Variants in GRM3 observed in about 807,000 individuals in gnomAD.
The protein encoded by GRM3 is glutamate metabotropic receptor 3, also known as metabotropic glutamate receptor 3.
In GRM3, 26 loss-of-function variants were observed where a neutral mutation model predicts 70.5. The ratio of observed to expected loss-of-function variants is 0.37; its 90% CI spans 0.27 to 0.51. The LOEUF (loss-of-function observed/expected upper bound fraction) is 0.51, where lower values mean the gene tolerates loss of function less well. Ranked by LOEUF, GRM3 falls within the 20% of genes least tolerant of loss-of-function variation. The pLI is 0.93. For synonymous variants in GRM3, 443 were observed against 434.9 expected, an observed-to-expected ratio of 1.02 and a Z score of -0.23; for missense variants, 859 against 1,123.8, an observed-to-expected ratio of 0.76 and a Z score of 3.37.
At chr7:86,649,106 A>AT (rs1793547312) in intron 1 of GRM3, among the ~76,000 whole-genome samples, 1 of 152,160 alleles carries the variant, frequency 6.6e-6, no homozygotes. Context: ...TCCAAAACTT[A>AT]TTTTTAAACA....
At chr7:86,798,721 G>A (rs113786896) in intron 3 of GRM3, among the ~76,000 whole-genome samples, 2 of 152,076 alleles carry the variant, frequency 1.3e-5, no homozygotes, top group African/African-American at 4.8e-5. Flanking sequence ...ATGAGATTTG[G>A]GAGGGGCCAG....
intron 1 of GRM3, among the ~76,000 whole-genome samples, chr7:86,677,793 G>C (rs1794343534): frequency 6.6e-6 from 1 of 151,828 alleles, no homozygotes; most frequent in African/African-American, 2.4e-5. Flanking sequence ...GGCCCGCAAA[G>C]AATGGGAAAC....
chr7:86,733,968 C>T (rs1271639711), intron 1 of GRM3, among the ~76,000 whole-genome samples: 3 of 152,372 alleles, frequency 2.0e-5, no homozygotes, highest in Admixed American at 6.5e-5. Flanking sequence ...ACTCCAAACT[C>T]GCTGAGTCAT....
chr7:86,735,242 G>A (rs1419989387), intron 1 of GRM3, among the ~76,000 whole-genome samples: 1 of 152,008 alleles, frequency 6.6e-6, no homozygotes, highest in Non-Finnish European at 1.5e-5. Flanking sequence ...ATTAACAGCA[G>A]ATATACCTGC....
intron 1 of GRM3, among the ~76,000 whole-genome samples, chr7:86,716,958 T>C (rs1795332150): frequency 6.6e-6 from 1 of 151,952 alleles, no homozygotes; most frequent in South Asian, 2.1e-4. Flanking sequence ...TTGGACTACC[T>C]GGGTTCAAAC....
At chr7:86,752,704 A>G (rs1358796297) in intron 1 of GRM3, among the ~76,000 whole-genome samples, 2 of 152,102 alleles carry the variant, frequency 1.3e-5, no homozygotes. Context: ...CAAACCTCCT[A>G]TAACTAAGGC....
chr7:86,830,848 G>A (rs909745949), intron 3 of GRM3, among the ~76,000 whole-genome samples: 1 of 152,250 alleles, frequency 6.6e-6, no homozygotes, highest in East Asian at 1.9e-4. Flanking sequence ...TCATTAGGGT[G>A]GGCCCCAGTC....
intron 2 of GRM3, among the ~76,000 whole-genome samples, chr7:86,768,670 G>T (rs1796664382): frequency 6.6e-6 from 1 of 152,118 alleles, no homozygotes; most frequent in Non-Finnish European, 1.5e-5. Flanking sequence ...TCAGAAAACT[G>T]TGGGAGACGT....
intron 1 of GRM3, among the ~76,000 whole-genome samples, chr7:86,764,663 A>C (rs1351822786): frequency 2.6e-5 from 4 of 152,142 alleles, no homozygotes; most frequent in African/African-American, 7.2e-5. Flanking sequence ...AAACAAAGTA[A>C]ATGACTCAGT....
intron 1 of GRM3, among the ~76,000 whole-genome samples, chr7:86,712,786 A>G (rs1795228145): frequency 6.6e-6 from 1 of 152,046 alleles, no homozygotes; most frequent in Admixed American, 6.6e-5. Context: ...CTGCAGTTCT[A>G]TCCATGTTGC....
chr7:86,753,455 G>A lies in GRM3; in HGVS notation c.-140-11551G>A, dbSNP rs186128716. On this transcript the variant is annotated intron_variant, in intron 1 of 5. Transcript: ENST00000361669. The stretch of plus-strand genomic sequence containing the variant: ...CAAAATGTTTTTTTAACATGTCCCA[G>A]TAAGAAATTATTTTACATTGTAACC... 3.4e-3 allele frequency among the ~76,000 whole-genome samples: 511 copies of A among 152,082 alleles called. 4 individuals carry two copies. The highest frequency in any genetic ancestry group is 0.011 in the African/African-American group (477 of 41,506).
At position 86,644,733 on chromosome 7, in the gene GRM3, T is replaced by C. The variant is rs1442267478; in HGVS notation, c.-280T>C. The C allele has an allele frequency of 4.2e-6, 5 of 1,196,978 alleles. No individual in the cohort carries two copies. In the Admixed American group the frequency reaches 6.9e-5, roughly 17 times the overall value. 74.1% of individuals were successfully genotyped at this position (1,196,978 alleles called of 1,614,324 possible). A position where few individuals can be genotyped will look rare whatever the true frequency, so the allele number is the denominator to read the frequency against. The stretch of plus-strand genomic sequence containing the variant: ...GGCAAAATAAGTTCTCCCTTGGATT[T>C]GGAAAGGACAAAGCCAGTAAGCTAC... On this transcript the variant is annotated 5_prime_UTR_variant, in exon 1 of 6. Transcript: ENST00000361669.
intron 1 of GRM3, among the ~76,000 whole-genome samples, chr7:86,676,263 ATC>A (rs1409535556): frequency 6.6e-6 from 1 of 152,024 alleles, no homozygotes; most frequent in African/African-American, 2.4e-5. Context: ...AGAAAAAAAT[ATC>A]TGTTAGAAGA....
chr7:86,798,423 G>A (rs112418248), intron 3 of GRM3, among the ~76,000 whole-genome samples: 8,181 of 152,202 alleles, frequency 0.054, 703 homozygotes, highest in African/African-American at 0.18. Flanking sequence ...GACCATTTTG[G>A]AGCTTCAAGA....
intron 1 of GRM3, among the ~76,000 whole-genome samples, chr7:86,720,685 G>A (rs894704825): frequency 6.6e-6 from 1 of 152,054 alleles, no homozygotes; most frequent in African/African-American, 2.4e-5. Context: ...ACAGAGCAAA[G>A]CATCAAGGTA....
intron 1 of GRM3, among the ~76,000 whole-genome samples, chr7:86,708,161 C>A (rs926944217): frequency 1.3e-5 from 2 of 152,152 alleles, no homozygotes; most frequent in East Asian, 3.9e-4. Context: ...AAACTTTCAA[C>A]CCATAGGCCC....
chr7:86,788,415 G>A (rs1024127695), intron 3 of GRM3, among the ~76,000 whole-genome samples: 2 of 152,146 alleles, frequency 1.3e-5, no homozygotes, highest in African/African-American at 4.8e-5. Context: ...TCCCCAGAGA[G>A]GGCCGAAAGT....
intron 2 of GRM3, among the ~76,000 whole-genome samples, chr7:86,771,562 TATAGA>T: frequency 6.6e-6 from 1 of 152,068 alleles, no homozygotes; most frequent in African/African-American, 2.4e-5. Flanking sequence ...AACATTATTC[TATAGA>T]ACATTATTCT....
At chr7:86,754,875 T>C (rs944117521) in intron 1 of GRM3, among the ~76,000 whole-genome samples, 3 of 152,154 alleles carry the variant, frequency 2.0e-5, no homozygotes, top group African/African-American at 7.2e-5. Context: ...TCTGTGTTTA[T>C]TCTCAGACAG....
Sources: gnomAD v4.1 joint callset for allele counts (sites outside exome capture counted in the v4.1 genomes callset) on GRCh38, gnomAD v4.1.1 for gene constraint, MANE v1.5 for transcripts, NCBI Gene and HGNC (gene_info 2026-07-23, HGNC 2026-07-21) for gene names.